TNS3: variants seen among roughly 807,000 people sequenced by gnomAD.
TNS3 encodes the protein tensin-3.
TNS3 carries 45 observed loss-of-function variants against 140.9 expected under a neutral mutation model. The ratio of observed to expected loss-of-function variants is 0.32; its 90% CI spans 0.25 to 0.41. The LOEUF (loss-of-function observed/expected upper bound fraction) is 0.41, where lower values mean the gene tolerates loss of function less well. Ranked by LOEUF, TNS3 falls within the 10% of genes least tolerant of loss-of-function variation. TNS3 has a pLI of 1.00. For missense variants in TNS3, 1,716 were observed against 1,906.7 expected, an observed-to-expected ratio of 0.90 and a Z score of 1.86; for synonymous variants, 815 against 788.4, an observed-to-expected ratio of 1.03 and a Z score of -0.56.
intron 10 of TNS3, among the ~76,000 whole-genome samples, chr7:47,423,130 A>G (rs1263343184): frequency 6.6e-6 from 1 of 152,246 alleles, no homozygotes; most frequent in African/African-American, 2.4e-5. Flanking sequence ...CTGCTGACAT[A>G]GCCCTCAGTT....
chr7:47,494,711 G>GA (rs1014710354), intron 3 of TNS3, among the ~76,000 whole-genome samples: 2 of 152,192 alleles, frequency 1.3e-5, no homozygotes, highest in Non-Finnish European at 2.9e-5. Context: ...GAAATGCCTA[G>GA]AAACACACAA....
At chr7:47,408,710 C>T (rs1681087333) in intron 13 of TNS3, among the ~76,000 whole-genome samples, 1 of 152,222 alleles carries the variant, frequency 6.6e-6, no homozygotes, top group African/African-American at 2.4e-5. Context: ...GTAAGCCCTA[C>T]AAAATCTGGT....
At chr7:47,435,151 A>T in intron 8 of TNS3, 131 bp downstream of exon 8, 1 of 1,244,712 alleles carries the variant, frequency 8.0e-7, no homozygotes, top group Non-Finnish European at 1.1e-6. Flanking sequence ...GAAAACCTAA[A>T]GACAAACCCA....
rs55834937 is a variant in TNS3, at chr7:47,399,080, GAAAAAAAAAA to G, written c.919+1303_919+1312del. 5.3e-5 allele frequency among the ~76,000 whole-genome samples: 5 copies of G among 93,606 alleles called. No homozygotes were observed. The Admixed American group carries it at 5.4e-4, about 10-fold the overall frequency. 61.4% of individuals were successfully genotyped at this position (93,606 alleles called of 152,430 possible). On this transcript the variant is annotated intron_variant, in intron 15 of 30. Coordinates refer to ENST00000311160, the MANE Select transcript of TNS3 (RefSeq NM_022748.12). ...GAACTCAATTCTTTTTACGACAGCT[GAAAAAAAAAA>G]AAAAAAAAAACTAGAAATATACTTA... is the stretch of plus-strand genomic sequence containing the variant.
chr7:47,460,568 C>T (rs973511717), intron 4 of TNS3, among the ~76,000 whole-genome samples: 9 of 152,218 alleles, frequency 5.9e-5, no homozygotes, highest in African/African-American at 1.2e-4. Flanking sequence ...GCTCACCTGC[C>T]GCCCTGCGCT....
At chr7:47,445,697 A>G (rs1562752456) in intron 4 of TNS3, among the ~76,000 whole-genome samples, 1 of 152,182 alleles carries the variant, frequency 6.6e-6, no homozygotes, top group Non-Finnish European at 1.5e-5. Flanking sequence ...AACCAAGTAG[A>G]GGACATGCCT....
intron 16 of TNS3, among the ~76,000 whole-genome samples, chr7:47,396,308 G>T (rs576620234): frequency 6.6e-6 from 1 of 152,274 alleles, no homozygotes; most frequent in African/African-American, 2.4e-5. Context: ...ACATGTTTGG[G>T]TGAGACGGTT....
At chr7:47,383,060 T>C (rs924438286) in intron 16 of TNS3, among the ~76,000 whole-genome samples, 3 of 152,064 alleles carry the variant, frequency 2.0e-5, no homozygotes, top group Non-Finnish European at 2.9e-5. Context: ...TTTCAAAAAG[T>C]AGTGGGAAAG....
Position 47,292,843 on chromosome 7 carries a change from G to A in TNS3, c.3835C>T (p.Leu1279Phe). ...ITPLALPCKL[L>F]IPERDPLEEI... ...GACCCCTTACCTCTCTCTGGGATAA[G>A]CAGCTTGCACGGCAAGGCCAAGGGC... The change falls in exon 26 of 31, where the codon CTT becomes TTT. Residue 1279 changes from leucine (L) to phenylalanine (F), a missense_variant. By Grantham distance (22) the Leu-to-Phe change is conservative. This residue lies in a region of TNS3 where 216 missense variants were observed against 295.7 expected (regional missense o/e 0.73). Transcript: ENST00000311160. 6.2e-7 allele frequency: 1 copy of A among 1,614,150 alleles called. No individual in the cohort carries two copies. Among genetic ancestry groups the A allele is most frequent in the Non-Finnish European group, 8.5e-7 (1 of 1,180,026 alleles).
intron 1 of TNS3, among the ~76,000 whole-genome samples, chr7:47,559,112 G>A (rs193299211): frequency 1.3e-5 from 2 of 152,322 alleles, no homozygotes; most frequent in Admixed American, 1.3e-4. Flanking sequence ...ATCACTTTGG[G>A]AGGCCAAGGT....
intron 1 of TNS3, among the ~76,000 whole-genome samples, chr7:47,575,684 G>A (rs573109495): frequency 4.6e-5 from 7 of 151,996 alleles, no homozygotes; most frequent in African/African-American, 1.4e-4. Flanking sequence ...GCAGCCAGGC[G>A]TAGTGGCAGG....
chr7:47,573,746 G>A (rs570875681), intron 1 of TNS3, among the ~76,000 whole-genome samples: 2 of 152,260 alleles, frequency 1.3e-5, no homozygotes, highest in African/African-American at 4.8e-5. Flanking sequence ...TAATCCAGAG[G>A]AGAAACATTA....
chr7:47,471,362 C>T (rs114727212), intron 4 of TNS3, among the ~76,000 whole-genome samples: 81 of 152,278 alleles, frequency 5.3e-4, no homozygotes, highest in African/African-American at 1.8e-3. Context: ...ACCATCTCAC[C>T]GTCTCGTCTC....
At chr7:47,565,394 G>C (rs116041694) in intron 1 of TNS3, among the ~76,000 whole-genome samples, 1,756 of 146,000 alleles carry the variant, frequency 0.012, 38 homozygotes, top group African/African-American at 0.043. Flanking sequence ...GGAGACAGAG[G>C]CTCACTCTTT....
chr7:47,346,937 T>C (rs1374031615), intron 17 of TNS3, among the ~76,000 whole-genome samples: 1 of 152,246 alleles, frequency 6.6e-6, no homozygotes, highest in Non-Finnish European at 1.5e-5. Context: ...CGGTTATTCC[T>C]GACACAGATC....
chr7:47,504,410 T>C (rs1408837548), intron 3 of TNS3, among the ~76,000 whole-genome samples: 1 of 152,190 alleles, frequency 6.6e-6, no homozygotes, highest in Non-Finnish European at 1.5e-5. Context: ...ACCAGCCACA[T>C]GCTCCAGGGC....
chr7:47,348,124 C>T (rs1429370186), intron 17 of TNS3, among the ~76,000 whole-genome samples: 2 of 152,228 alleles, frequency 1.3e-5, no homozygotes, highest in African/African-American at 4.8e-5. Context: ...TTAAAGAGGG[C>T]TAGCAGAGGT....
At chr7:47,283,998 T>C in intron 27 of TNS3, 133 bp from the exon 28 acceptor site, 1 of 755,536 alleles carries the variant, frequency 1.3e-6, no homozygotes, top group East Asian at 3.1e-5. Flanking sequence ...GCTGGGTGCA[T>C]GTAAGGCAGA....
chr7:47,374,513 T>C (rs573508816), intron 16 of TNS3, among the ~76,000 whole-genome samples: 1 of 152,314 alleles, frequency 6.6e-6, no homozygotes, highest in East Asian at 1.9e-4. Flanking sequence ...CTTTCTGCCA[T>C]TGCTATGCTT....
Sources: allele counts gnomAD v4.1 joint callset (sites outside exome capture counted in the v4.1 genomes callset), GRCh38; gene constraint gnomAD v4.1.1; regional missense constraint gnomAD v4.1.1; transcripts MANE v1.5; gene names NCBI Gene and HGNC (gene_info 2026-07-23, HGNC 2026-07-21).